The following OTOF variants were observed in gnomAD, a reference collection of about 807,000 sequenced individuals.
OTOF encodes the protein fer-1-like family member 2.
A neutral mutation model predicts 236.8 loss-of-function variants in OTOF; 218 were observed. That is an observed-to-expected ratio of 0.92 (90% CI 0.82 to 1.03). The LOEUF is 1.03. OTOF is among the 50% of genes least tolerant of loss of function. The pLI is 0.00. For synonymous variants in OTOF, 1,041 were observed against 1,072.5 expected, an observed-to-expected ratio of 0.97 and a Z score of 0.57; for missense variants, 2,590 against 2,694.4, an observed-to-expected ratio of 0.96 and a Z score of 0.86.
chr2:26,477,620 C>G lies in OTOF; in HGVS notation c.2315+29G>C. Reference sequence around the variant, plus strand: ...CCTTTGTCCAGTTCCGCCTCATCCTCCCCCCACCTGCCGCCCCTCCCTTCT... The same window carrying G: ...CCTTTGTCCAGTTCCGCCTCATCCTGCCCCCACCTGCCGCCCCTCCCTTCT... On this transcript the variant is annotated intron_variant, in intron 19 of 46. Coordinates refer to ENST00000272371, the MANE Select transcript of OTOF (RefSeq NM_194248.3). The surrounding 1 kb of genome is among the most constrained non-coding windows in gnomAD (Gnocchi z 4.7). 6.2e-7 allele frequency: 1 copy of G among 1,610,102 alleles called. No homozygotes were observed. Among genetic ancestry groups the G allele is most frequent in the African/African-American group, 1.3e-5 (1 of 75,008 alleles).
chr2:26,532,746 C>T (rs1197300067), intron 2 of OTOF, among the ~76,000 whole-genome samples: 2 of 152,120 alleles, frequency 1.3e-5, no homozygotes, highest in Non-Finnish European at 2.9e-5. Flanking sequence ...TAGCCCTGAC[C>T]TGGCTGGTGC....
chr2:26,551,568 A>G (rs1667463524), intron 1 of OTOF, among the ~76,000 whole-genome samples: 1 of 152,084 alleles, frequency 6.6e-6, no homozygotes, highest in South Asian at 2.1e-4. Flanking sequence ...CCTTCCATAA[A>G]GCTCCTCATG....
At position 26,461,761 on chromosome 2, in the gene OTOF, T is replaced by C. The variant is rs756535245; in HGVS notation, c.5468A>G (p.Lys1823Arg). ...CTGCAGGGTGAGCCGCGCGGGGATCTTGTACTCGGTCTCGTCCCAGGAGAA... is the reference window on the plus strand; with the variant it reads ...CTGCAGGGTGAGCCGCGCGGGGATCCTGTACTCGGTCTCGTCCCAGGAGAA... ...SMFSWDETEY[K>R]IPARLTLQIW... Residue 1823 changes from lysine to arginine, a missense_variant, in exon 43 of 47, where the codon AAG becomes AGG. This residue lies in a region of OTOF where 1,211 missense variants were observed against 1,352.8 expected (regional missense o/e 0.90). Coordinates refer to ENST00000272371, the MANE Select transcript of OTOF (RefSeq NM_194248.3). The surrounding 1 kb of genome is among the most constrained non-coding windows in gnomAD (Gnocchi z 6.2). 5.6e-6 allele frequency: 9 copies of C among 1,613,986 alleles called. No individual in the cohort carries two copies. The highest frequency in any genetic ancestry group is 3.3e-5 in the Admixed American group (2 of 60,006).
intron 5 of OTOF, among the ~76,000 whole-genome samples, chr2:26,508,376 T>C (rs13029647): frequency 0.6 from 91,510 of 152,178 alleles, 28,236 homozygotes; most frequent in Middle Eastern, 0.75. Flanking sequence ...TTTGAAAGTG[T>C]GTTGAATGTC....
At chr2:26,516,304 G>T (rs1666522112) in intron 5 of OTOF, 114 bp downstream of exon 5, 2 of 975,932 alleles carry the variant, frequency 2.0e-6, no homozygotes, top group Non-Finnish European at 3.1e-6. Flanking sequence ...CAGAAGCTCA[G>T]CCCTGTACTC....
chr2:26,493,500 G>T (rs1665898192), intron 9 of OTOF, among the ~76,000 whole-genome samples: 2 of 152,186 alleles, frequency 1.3e-5, no homozygotes, highest in Admixed American at 6.5e-5. Context: ...GTGGCTTCTG[G>T]GTTAGTCTGA....
In OTOF at chr2:26,458,008, G is replaced by T; in HGVS notation, c.*230C>A. 1.2e-6 allele frequency: 2 copies of T among 1,600,562 alleles called. No homozygotes were observed. The highest frequency in any genetic ancestry group is 2.2e-5 in the East Asian group (1 of 44,788). On this transcript the variant is annotated 3_prime_UTR_variant, in exon 47 of 47. Coordinates refer to ENST00000272371, the MANE Select transcript of OTOF (RefSeq NM_194248.3). ...AGCCACTGAAAGGAAATGCGGCAGG[G>T]CTGGGGAGCGGCTGGCGGGAGCTGG... is the stretch of plus-strand genomic sequence containing the variant.
chr2:26,478,522 G>T (rs1270584108), intron 18 of OTOF, among the ~76,000 whole-genome samples: 1 of 152,042 alleles, frequency 6.6e-6, no homozygotes, highest in Admixed American at 6.5e-5. Context: ...CCCCAGGCTG[G>T]GGAGAAGGAG....
intron 46 of OTOF, among the ~76,000 whole-genome samples, chr2:26,459,375 AC>A (rs1262749768): frequency 6.6e-6 from 1 of 152,098 alleles, no homozygotes; most frequent in Non-Finnish European, 1.5e-5. Context: ...ACACAGTGAA[AC>A]CCCGTCTCTA....
At chr2:26,481,048 A>G (rs1665528989) in intron 14 of OTOF, 39 bp from the exon 15 acceptor site, 1 of 1,504,950 alleles carries the variant, frequency 6.6e-7, no homozygotes, top group Non-Finnish European at 9.2e-7. Flanking sequence ...GCAGCGTCAC[A>G]TCCAGTTTCC....
rs1214835529 is a variant in OTOF at position 26,473,301 on chromosome 2, T to C, written c.3571-7A>G. 2 of 1,612,614 alleles carry C rather than the reference T, an allele frequency of 1.2e-6. No homozygotes were observed. The highest frequency in any genetic ancestry group is 1.7e-6 in the Non-Finnish European group (2 of 1,179,662). The stretch of plus-strand genomic sequence containing the variant: ...GCTCGTTCTCTGGGAGGTCCTGGGG[T>C]GTTGGCGACAGGAGCCTGAGCCTCC... On this transcript the variant is annotated splice_region_variant and splice_polypyrimidine_tract_variant and intron_variant, in intron 28 of 46. Transcript: ENST00000272371. This position sits in a 1 kb window ranked among gnomAD's most constrained non-coding sequence, Gnocchi z 7.2.
At position 26,464,906 on chromosome 2, in the gene OTOF, G is replaced by A. The variant is rs778803978; in HGVS notation, c.4923C>T (p.Arg1641=). The A allele has an allele frequency of 2.2e-5, 35 of 1,597,954 alleles. No individual in the cohort carries two copies. The highest frequency in any genetic ancestry group is 3.4e-5 in the Admixed American group (2 of 58,750). The change falls in exon 39 of 47, where the codon CGC becomes CGT. Residue 1641 remains arginine (R), a synonymous_variant. Transcript: ENST00000272371. ...CAATCTCAGAGGGCCCAGTGAAGAC[G>A]CGGTTGGCCACCTTCACTCTCCCAG... ...GPPGRVKVAN[R]VFTGPSEIED... is the part of the protein sequence containing the mutation.
chr2:26,528,340 G>A (rs1169129676), intron 2 of OTOF, among the ~76,000 whole-genome samples: 1 of 152,160 alleles, frequency 6.6e-6, no homozygotes, highest in East Asian at 1.9e-4. Context: ...CTGGTTTTTG[G>A]TGGGTGCTGA....
Position 26,476,913 on chromosome 2 carries a change from T to C in OTOF, c.2654A>G (p.Lys885Arg). The stretch of plus-strand genomic sequence containing the variant: ...CACCTTAAGGAAGAGCGTCTTGACC[T>C]TGGCGCAGTCCTTGCCAGTCTCCTC... ...VEEETGKDCA[K>R]VKTLFLKLPG... The change falls in exon 22 of 47, where the codon AAG becomes AGG. Residue 885 changes from lysine to arginine, a missense_variant. By Grantham distance (26) the Lys-to-Arg change is conservative. Coordinates refer to ENST00000272371, the MANE Select transcript of OTOF (RefSeq NM_194248.3). The C allele has an allele frequency of 6.2e-7, 1 of 1,610,552 alleles. No homozygotes were observed. The highest frequency in any genetic ancestry group is 1.7e-4 in the Middle Eastern group (1 of 6,050).
intron 1 of OTOF, among the ~76,000 whole-genome samples, chr2:26,541,939 T>G (rs1196465263): frequency 6.6e-6 from 1 of 152,188 alleles, no homozygotes; most frequent in Non-Finnish European, 1.5e-5. Flanking sequence ...GCTGAGCTGT[T>G]TGGTTTGAAA....
At chr2:26,493,664 G>A (rs574728440) in intron 9 of OTOF, among the ~76,000 whole-genome samples, 2 of 152,200 alleles carry the variant, frequency 1.3e-5, no homozygotes, top group Admixed American at 6.5e-5. Flanking sequence ...CACAATAAGC[G>A]AACAGAATGT....
intron 1 of OTOF, among the ~76,000 whole-genome samples, chr2:26,545,709 T>A (rs2148130684): frequency 6.6e-6 from 1 of 152,330 alleles, no homozygotes; most frequent in South Asian, 2.1e-4. Context: ...CCATCTTACA[T>A]TAATTTTTGT....
intron 3 of OTOF, among the ~76,000 whole-genome samples, chr2:26,521,515 A>G (rs1234293226): frequency 6.6e-6 from 1 of 152,208 alleles, no homozygotes; most frequent in Non-Finnish European, 1.5e-5. Context: ...CGCCCCTTCC[A>G]GGAGGAATCC....
intron 11 of OTOF, among the ~76,000 whole-genome samples, chr2:26,487,944 G>A (rs1373037251): frequency 1.3e-5 from 2 of 152,222 alleles, no homozygotes; most frequent in East Asian, 3.8e-4. Context: ...AGACAGGGGT[G>A]CTACTCCTAG....
Sources: allele counts gnomAD v4.1 joint callset (sites outside exome capture counted in the v4.1 genomes callset), GRCh38; gene constraint gnomAD v4.1.1; regional missense constraint gnomAD v4.1.1; non-coding constraint Gnocchi (gnomAD v3.1); transcripts MANE v1.5; gene names NCBI Gene and HGNC (gene_info 2026-07-23, HGNC 2026-07-21).